RGL1: variants seen among roughly 807,000 people sequenced by gnomAD.
RGL1 encodes the protein ral guanine nucleotide dissociation stimulator like 1.
A neutral mutation model predicts 95.2 loss-of-function variants in RGL1; 24 were observed. The observed-to-expected ratio is 0.25, with a 90% CI of 0.18 to 0.35. RGL1 has a LOEUF of 0.35. Ranked by LOEUF, RGL1 falls within the 10% of genes least tolerant of loss-of-function variation. RGL1 has a pLI of 1.00. For missense variants in RGL1, 715 were observed against 936.3 expected (o/e 0.76, Z 3.08); for synonymous variants, 329 against 344.9 (o/e 0.95, Z 0.51).
chr1:183,781,116 A>T (rs1659881221), intron 2 of RGL1, among the ~76,000 whole-genome samples: 1 of 152,224 alleles, frequency 6.6e-6, no homozygotes, highest in Non-Finnish European at 1.5e-5. Flanking sequence ...TCATACTCTC[A>T]GGCATGGACT....
intron 2 of RGL1, among the ~76,000 whole-genome samples, chr1:183,794,424 A>C (rs1660595215): frequency 1.3e-5 from 2 of 152,244 alleles, no homozygotes; most frequent in Admixed American, 1.3e-4. Flanking sequence ...AATAGCTAAA[A>C]GATTATTTGA....
At chr1:183,897,415 G>T (rs1188976114) in intron 9 of RGL1, among the ~76,000 whole-genome samples, 1 of 152,140 alleles carries the variant, frequency 6.6e-6, no homozygotes, top group Non-Finnish European at 1.5e-5. Flanking sequence ...GCCAGGTGGT[G>T]GCGCATTCCT....
chr1:183,730,784 T>A (rs890298564), intron 1 of RGL1, among the ~76,000 whole-genome samples: 2 of 152,158 alleles, frequency 1.3e-5, no homozygotes, highest in African/African-American at 4.8e-5. Context: ...TTGACAGATT[T>A]CTAGGCTGAC....
At chr1:183,675,710 G>T (rs376595955) in intron 1 of RGL1, among the ~76,000 whole-genome samples, 1 of 152,196 alleles carries the variant, frequency 6.6e-6, no homozygotes, top group Admixed American at 6.5e-5. Context: ...TGTTTATGTT[G>T]AGCTAAAATA....
At chr1:183,847,311 A>G (rs577424073) in intron 2 of RGL1, among the ~76,000 whole-genome samples, 2 of 152,060 alleles carry the variant, frequency 1.3e-5, no homozygotes, top group Non-Finnish European at 2.9e-5. Flanking sequence ...AAAAATGAGC[A>G]GAGCATGGTT....
intron 2 of RGL1, among the ~76,000 whole-genome samples, chr1:183,831,258 TG>T (rs1377313305): frequency 2.0e-5 from 3 of 152,210 alleles, no homozygotes; most frequent in Non-Finnish European, 4.4e-5. Context: ...ATGCTCAGGC[TG>T]AGCAGCATTT....
At chr1:183,788,106 C>G (rs1660268207) in intron 2 of RGL1, among the ~76,000 whole-genome samples, 1 of 152,132 alleles carries the variant, frequency 6.6e-6, no homozygotes, top group Non-Finnish European at 1.5e-5. Flanking sequence ...TTGTTCATTC[C>G]CTTGTTTGTC....
intron 2 of RGL1, among the ~76,000 whole-genome samples, chr1:183,750,882 C>T (rs1657947673): frequency 6.6e-6 from 1 of 152,216 alleles, no homozygotes; most frequent in South Asian, 2.1e-4. Context: ...CTGGGTATCA[C>T]CAGTGGAGGC....
intron 17 of RGL1, among the ~76,000 whole-genome samples, chr1:183,924,739 G>T (rs1669512559): frequency 6.6e-6 from 1 of 150,970 alleles, no homozygotes; most frequent in Non-Finnish European, 1.5e-5. Context: ...GACGTCAGGA[G>T]TTCAAGACCA....
chr1:183,787,942 A>T (rs1660260035), intron 2 of RGL1, among the ~76,000 whole-genome samples: 1 of 152,080 alleles, frequency 6.6e-6, no homozygotes, highest in Non-Finnish European at 1.5e-5. Flanking sequence ...TGAAGCCCTC[A>T]GCAGATGCAG....
chr1:183,809,571 C>T (rs1661563412), intron 2 of RGL1, among the ~76,000 whole-genome samples: 1 of 152,126 alleles, frequency 6.6e-6, no homozygotes, highest in Admixed American at 6.5e-5. Context: ...GATAATTTTA[C>T]CCACCTATAA....
At chr1:183,893,637 T>C (rs1667541583) in intron 9 of RGL1, among the ~76,000 whole-genome samples, 1 of 152,170 alleles carries the variant, frequency 6.6e-6, no homozygotes, top group Admixed American at 6.5e-5. Flanking sequence ...TCATGACTGT[T>C]CCTGTCCTAT....
chr1:183,856,153 T>C (rs1469659159), intron 3 of RGL1, among the ~76,000 whole-genome samples: 1 of 152,184 alleles, frequency 6.6e-6, no homozygotes, highest in Non-Finnish European at 1.5e-5. Context: ...GGTGAGAATT[T>C]CTTAGTAAAT....
chr1:183,796,620 C>T (rs1660715799), intron 2 of RGL1, among the ~76,000 whole-genome samples: 1 of 152,110 alleles, frequency 6.6e-6, no homozygotes, highest in African/African-American at 2.4e-5. Context: ...ACTGCAGAGC[C>T]TTCACTCTTA....
intron 1 of RGL1, chr1:183,647,819 A>G (rs149185305): frequency 6.2e-7 from 1 of 1,614,178 alleles, no homozygotes; most frequent in East Asian, 2.2e-5. Flanking sequence ...TTTGAGGCAT[A>G]TTTAAGTGCC....
chr1:183,904,764 A>T, intron 12 of RGL1, 86 bp from the exon 13 acceptor site: 1 of 1,362,948 alleles, frequency 7.3e-7, no homozygotes, highest in Non-Finnish European at 1.0e-6. Context: ...CTAATGTGGT[A>T]TATTTTCATG....
chr1:183,904,434 C>CT (rs1038967577), intron 12 of RGL1, among the ~76,000 whole-genome samples: 1 of 151,754 alleles, frequency 6.6e-6, no homozygotes, highest in East Asian at 1.9e-4. Flanking sequence ...TATTTCTTTT[C>CT]TTTTTTTTAA....
chr1:183,901,604 T>C (rs2102699100), intron 11 of RGL1, among the ~76,000 whole-genome samples: 1 of 152,318 alleles, frequency 6.6e-6, no homozygotes, highest in East Asian at 1.9e-4. Flanking sequence ...TTTTCAAATA[T>C]GCTTTTCTTT....
intron 2 of RGL1, among the ~76,000 whole-genome samples, chr1:183,836,353 C>T (rs1261223580): frequency 6.6e-6 from 1 of 151,932 alleles, no homozygotes; most frequent in Non-Finnish European, 1.5e-5. Flanking sequence ...TGGGTTCAAG[C>T]GAGTCTCCTG....
Sources: allele counts gnomAD v4.1 joint callset (sites outside exome capture counted in the v4.1 genomes callset), GRCh38; gene constraint gnomAD v4.1.1; transcripts MANE v1.5; gene names NCBI Gene and HGNC (gene_info 2026-07-23, HGNC 2026-07-21).